Variants in LRCH3 observed in about 807,000 individuals in gnomAD.
The protein encoded by LRCH3 is leucine rich repeats and calponin homology domain containing 3.
In LRCH3, 68 loss-of-function variants were observed where a neutral mutation model predicts 104.5. That is an observed-to-expected ratio of 0.65 (90% CI 0.54 to 0.80). The LOEUF is 0.80. LRCH3 is among the 30% of genes least tolerant of loss of function. The probability of loss-of-function intolerance (pLI) is 0.00; values close to 1 mark genes in which losing one functional copy is unlikely to be tolerated. For missense variants in LRCH3, 951 were observed against 953.9 expected (o/e 1.00, Z 0.04); for synonymous variants, 344 against 361.3 (o/e 0.95, Z 0.54).
chr3:197,852,723 A>G (rs2109419567), intron 13 of LRCH3, 103 bp downstream of exon 13: 1 of 1,224,362 alleles, frequency 8.2e-7, no homozygotes, highest in Non-Finnish European at 1.2e-6. Context: ...GAATATTGCC[A>G]TTTTTCTTTT....
At chr3:197,819,283 T>A (rs540068651) in intron 3 of LRCH3, among the ~76,000 whole-genome samples, 1 of 152,188 alleles carries the variant, frequency 6.6e-6, no homozygotes, top group African/African-American at 2.4e-5. Context: ...TCTGAGAGAT[T>A]ATACATTGCT....
At chr3:197,864,462 T>G (rs1298863921) in intron 15 of LRCH3, among the ~76,000 whole-genome samples, 1 of 147,958 alleles carries the variant, frequency 6.8e-6, no homozygotes, top group African/African-American at 2.6e-5. Flanking sequence ...ACAAAAAAAT[T>G]AGCTGGGTAT....
chr3:197,839,183 A>G, intron 9 of LRCH3, 138 bp from the exon 10 acceptor site: 1 of 591,126 alleles, frequency 1.7e-6, no homozygotes, highest in Non-Finnish European at 2.9e-6. Flanking sequence ...TTTTAAACTT[A>G]AAGTTTACAT....
At chr3:197,863,924 A>G (rs1323777910) in intron 15 of LRCH3, among the ~76,000 whole-genome samples, 2 of 152,226 alleles carry the variant, frequency 1.3e-5, no homozygotes, top group African/African-American at 2.4e-5. Flanking sequence ...TTTCTTTCTC[A>G]TATATTTCCC....
At chr3:197,805,139 C>T (rs973819208) in intron 1 of LRCH3, among the ~76,000 whole-genome samples, 20 of 152,158 alleles carry the variant, frequency 1.3e-4, no homozygotes, top group Admixed American at 8.5e-4. Flanking sequence ...GTGATCTACC[C>T]GCCTTGGCCT....
At chr3:197,880,074 T>C (rs113569686) in intron 20 of LRCH3, among the ~76,000 whole-genome samples, 35,285 of 146,080 alleles carry the variant, frequency 0.24, 6,164 homozygotes, top group African/African-American at 0.5. Flanking sequence ...GCCTCCCGAG[T>C]AGCTGGGACT....
At chr3:197,860,928 G>T (rs558840127) in intron 15 of LRCH3, among the ~76,000 whole-genome samples, 17 of 147,488 alleles carry the variant, frequency 1.2e-4, no homozygotes, top group African/African-American at 3.7e-4. Context: ...GTAACCCTCA[G>T]TTTAGTCTGT....
intron 10 of LRCH3, among the ~76,000 whole-genome samples, chr3:197,844,190 T>G (rs1738247324): frequency 6.6e-6 from 1 of 152,178 alleles, no homozygotes; most frequent in Non-Finnish European, 1.5e-5. Flanking sequence ...AAATCTGGGA[T>G]GTGAGATGAG....
chr3:197,799,340 A>G (rs1731616512), intron 1 of LRCH3, among the ~76,000 whole-genome samples: 1 of 152,240 alleles, frequency 6.6e-6, no homozygotes, highest in African/African-American at 2.4e-5. Flanking sequence ...ATTCACACAA[A>G]GGAATATTAT....
intron 8 of LRCH3, among the ~76,000 whole-genome samples, chr3:197,833,811 A>G (rs1230623480): frequency 2.6e-5 from 4 of 152,184 alleles, no homozygotes; most frequent in Admixed American, 2.0e-4. Flanking sequence ...CTTTGGCCAC[A>G]CTGGTCTAGA....
At chr3:197,821,830 A>G (rs1734524952) in intron 4 of LRCH3, among the ~76,000 whole-genome samples, 1 of 152,062 alleles carries the variant, frequency 6.6e-6, no homozygotes, top group Non-Finnish European at 1.5e-5. Flanking sequence ...ACTTGCCACC[A>G]TGTCACCTAC....
At position 197,883,496 on chromosome 3, in the gene LRCH3, C is replaced by A. The variant is rs1042617152; in HGVS notation, c.2209-45C>A. On this transcript the variant is annotated intron_variant, in intron 20 of 20. Coordinates refer to ENST00000425562, the MANE Select transcript of LRCH3 (RefSeq NM_001365715.1). The surrounding 1 kb of genome is among the most constrained non-coding windows in gnomAD (Gnocchi z 4.2). ...TCCTTTCAGTTCTATGATATTCATC[C>A]GATTTTCTTTTTTGTTTGTTTTCAT... 2 of 1,517,306 alleles carry A rather than the reference C, an allele frequency of 1.3e-6. No individual in the cohort carries two copies. Among genetic ancestry groups the A allele is most frequent in the East Asian group, 5.0e-5 (2 of 40,364 alleles). 94.0% of individuals were successfully genotyped at this position (1,517,306 alleles called of 1,614,324 possible).
chr3:197,822,994 CT>C (rs756061050), intron 4 of LRCH3: 280 of 136,004 alleles, frequency 2.1e-3, no homozygotes, highest in African/African-American at 2.6e-3. Flanking sequence ...ATTTTTACTT[CT>C]TTTTTTTTTT....
chr3:197,853,883 T>C (rs1739938769), intron 13 of LRCH3, among the ~76,000 whole-genome samples: 2 of 152,220 alleles, frequency 1.3e-5, no homozygotes, highest in Non-Finnish European at 2.9e-5. Context: ...TGTGTTTTCT[T>C]TTTTACCCCA....
At chr3:197,849,206 G>A (rs572245216) in intron 12 of LRCH3, among the ~76,000 whole-genome samples, 134 of 145,286 alleles carry the variant, frequency 9.2e-4, no homozygotes, top group Non-Finnish European at 1.6e-3. Flanking sequence ...GGAGGTTGCA[G>A]TGAGCTGAGA....
intron 4 of LRCH3, among the ~76,000 whole-genome samples, chr3:197,821,106 G>A (rs948716673): frequency 1.3e-5 from 2 of 152,094 alleles, no homozygotes; most frequent in South Asian, 2.1e-4. Flanking sequence ...TTGGATAAGG[G>A]GATAGTGTAG....
intron 1 of LRCH3, among the ~76,000 whole-genome samples, chr3:197,808,311 T>G (rs1190269122): frequency 6.6e-6 from 1 of 152,204 alleles, no homozygotes; most frequent in Non-Finnish European, 1.5e-5. Context: ...CATCTCAGAC[T>G]TCTAGCCTCC....
chr3:197,865,938 A>G (rs562356949), intron 16 of LRCH3, among the ~76,000 whole-genome samples, 174 bp from the exon 17 acceptor site: 1 of 152,336 alleles, frequency 6.6e-6, no homozygotes, highest in Non-Finnish European at 1.5e-5. Context: ...TAAAATACAT[A>G]CAAGCGGTCC....
At chr3:197,820,019 C>T (rs1342060912) in intron 3 of LRCH3, among the ~76,000 whole-genome samples, 2 of 152,194 alleles carry the variant, frequency 1.3e-5, no homozygotes, top group African/African-American at 2.4e-5. Flanking sequence ...AGCAAGCGGC[C>T]TTTTCTAAAT....
Sources: allele counts gnomAD v4.1 joint callset (sites outside exome capture counted in the v4.1 genomes callset), GRCh38; gene constraint gnomAD v4.1.1; non-coding constraint Gnocchi (gnomAD v3.1); transcripts MANE v1.5; gene names NCBI Gene and HGNC (gene_info 2026-07-23, HGNC 2026-07-21).